LAMA5: variants seen among roughly 807,000 people sequenced by gnomAD.
The protein encoded by LAMA5 is laminin subunit alpha 5, also known as laminin subunit alpha-5.
LAMA5 carries 260 observed loss-of-function variants against 433.4 expected under a neutral mutation model. The ratio of observed to expected loss-of-function variants is 0.60; its 90% CI spans 0.54 to 0.66. LAMA5 has a LOEUF of 0.66. LAMA5 is among the 30% of genes least tolerant of loss of function. The pLI is 0.00. For synonymous variants in LAMA5, 2,620 were observed against 2,226.6 expected (o/e 1.18, Z -4.97); for missense variants, 5,378 against 5,258.5 (o/e 1.02, Z -0.70).
At position 62,316,761 on chromosome 20, in the gene LAMA5, G is replaced by A. The variant is rs1986975895; in HGVS notation, c.7666C>T (p.Gln2556Ter). Reference protein sequence around the residue: ...ADHTWATVVRQGLVDRAQQLL... With the variant: ...ADHTWATVVR ...TGCTGGGCTCGGTCCACCAGGCCCT[G>A]CCGCACCACCGTCTGTGGATGCCAG... Residue 2556 changes from glutamine (Q) to a stop codon, truncating the protein, a stop_gained, in exon 57 of 80, where the codon CAG becomes TAG. Transcript: ENST00000252999. LOFTEE classifies it high-confidence loss of function. 5 of 1,606,150 alleles carry A rather than the reference G, an allele frequency of 3.1e-6. No homozygotes were observed. Among genetic ancestry groups the A allele is most frequent in the Non-Finnish European group, 3.4e-6 (4 of 1,176,328 alleles).
At position 62,333,718 on chromosome 20, in the gene LAMA5, C is replaced by A. The variant is rs189582594; in HGVS notation, c.2879-12G>T. ...ACTCTGTGCTGTGCCTGGGCGGGGG[C>A]AGGGGTGAGACTCCTGAGCCCAGCC... On this transcript the variant is annotated splice_polypyrimidine_tract_variant and intron_variant, in intron 23 of 79. Coordinates refer to ENST00000252999, the MANE Select transcript of LAMA5 (RefSeq NM_005560.6). 4.4e-6 allele frequency: 7 copies of A among 1,573,212 alleles called. No individual in the cohort carries two copies. Among genetic ancestry groups the A allele is most frequent in the Non-Finnish European group, 5.2e-6 (6 of 1,160,362 alleles).
chr20:62,330,597 G>A lies in LAMA5; in HGVS notation c.3870C>T (p.Thr1290=). The change falls in exon 31 of 80, where the codon ACC becomes ACT. Residue 1290 remains threonine (T), a synonymous_variant. Transcript: ENST00000252999. ...LREPQATVVF[T]THVPTLGRYA... is the part of the protein sequence containing the mutation. Reference sequence around the variant, plus strand: ...AGCGGCCCAGCGTGGGCACATGGGTGGTGAAGACCACGGTGGCCTGCAGGG... The same window carrying A: ...AGCGGCCCAGCGTGGGCACATGGGTAGTGAAGACCACGGTGGCCTGCAGGG... The A allele has an allele frequency of 6.3e-7, 1 of 1,593,162 alleles. No homozygotes were observed.
intron 11 of LAMA5, among the ~76,000 whole-genome samples, chr20:62,343,774 C>CAAAAAAAAAAAAAAAAAAAAAAAAAA (rs11474754): frequency 1.6e-5 from 1 of 61,368 alleles, no homozygotes; most frequent in Non-Finnish European, 3.3e-5. Context: ...GAAACTCCAT[C>CAAAAAAAAAAAAAAAAAAAAAAAAAA]AAAAAAAAAA....
In LAMA5 at chr20:62,323,514, G is replaced by A. The variant is rs754415447; in HGVS notation, c.6006C>T (p.Arg2002=). 6.4e-7 allele frequency: 1 copy of A among 1,569,488 alleles called. No homozygotes were observed. The highest frequency in any genetic ancestry group is 8.6e-7 in the Non-Finnish European group (1 of 1,160,108). Residue 2002 remains arginine (R), a synonymous_variant, in exon 45 of 80, where the codon CGC becomes CGT. Transcript: ENST00000252999. ...RGCLRHTTGP[R]CEICAPGFYG... ...AGAAGCCGGGGGCACAGATCTCGCA[G>A]CGGGGCCCAGTGGTGTGGCGCAGGC...
In LAMA5 at chr20:62,351,760, A is replaced by G. The variant is rs145845032; in HGVS notation, c.900T>C (p.Cys300=). The G allele has an allele frequency of 1.2e-5, 19 of 1,611,570 alleles. No individual in the cohort carries two copies. Among genetic ancestry groups the G allele is most frequent in the East Asian group, 2.2e-5 (1 of 44,856 alleles). Residue 300 remains cysteine, a synonymous_variant, in exon 6 of 80, where the codon TGT becomes TGC. Transcript: ENST00000252999. The part of the protein sequence containing the change: ...SIKDISIGGR[C]VCHGHADACD... The stretch of plus-strand genomic sequence containing the variant: ...AGGCATCCGCGTGGCCGTGGCAGAC[A>G]CAGCGGCCTCCGATGCTGATATCCT...
At chr20:62,327,150 C>T in intron 38 of LAMA5, 83 bp downstream of exon 38, 1 of 1,352,812 alleles carries the variant, frequency 7.4e-7, no homozygotes, top group South Asian at 1.5e-5. Context: ...CCTCCCTGGA[C>T]AGACCCCGCT....
intron 3 of LAMA5, among the ~76,000 whole-genome samples, 200 bp from the exon 4 acceptor site, chr20:62,352,560 C>G (rs1034557333): frequency 6.6e-6 from 1 of 152,142 alleles, no homozygotes; most frequent in East Asian, 1.9e-4. Context: ...CTCCCTTGCA[C>G]GCTTTGAGTG....
At chr20:62,363,521 G>T (rs1986388574) in intron 1 of LAMA5, among the ~76,000 whole-genome samples, 1 of 152,148 alleles carries the variant, frequency 6.6e-6, no homozygotes, top group African/African-American at 2.4e-5. Flanking sequence ...CCTGGCAGGG[G>T]AGGGGTAGTG....
At chr20:62,351,874 GT>G (rs1263683602) in intron 5 of LAMA5, 34 bp downstream of exon 5, 12 of 1,577,764 alleles carry the variant, frequency 7.6e-6, no homozygotes, top group Non-Finnish European at 1.0e-5. Flanking sequence ...CACCCGGCCA[GT>G]CCCCCTCCCC....
At chr20:62,362,597 C>A (rs1212594799) in intron 1 of LAMA5, 45 bp from the exon 2 acceptor site, 1 of 1,420,930 alleles carries the variant, frequency 7.0e-7, no homozygotes, top group Admixed American at 2.5e-5. Context: ...AGGGCCGGGG[C>A]CCCCTTCCTC....
At chr20:62,361,575 A>G (rs1228566322) in intron 2 of LAMA5, among the ~76,000 whole-genome samples, 2 of 152,308 alleles carry the variant, frequency 1.3e-5, no homozygotes, top group East Asian at 3.9e-4. Flanking sequence ...TGTGTCACAC[A>G]CTGGGACTGG....
At position 62,329,013 on chromosome 20, in the gene LAMA5, G is replaced by A. The variant is rs765780164; in HGVS notation, c.4278C>T (p.Ser1426=). 1.2e-6 allele frequency: 2 copies of A among 1,612,628 alleles called. No homozygotes were observed. The highest frequency in any genetic ancestry group is 8.5e-7 in the Non-Finnish European group (1 of 1,179,898). Residue 1426 remains serine (S), a synonymous_variant, in exon 34 of 80, where the codon TCC becomes TCT. Transcript: ENST00000252999. ...SSLFCRNAAA[S]LSLFYNNGAR... is the part of the protein sequence containing the mutation. ...CTCCGTTGTTATAGAAGAGGGAGAGGGAAGCAGCAGCGTTTCGGCAGAACA... is the reference window on the plus strand; with the variant it reads ...CTCCGTTGTTATAGAAGAGGGAGAGAGAAGCAGCAGCGTTTCGGCAGAACA...
Position 62,324,560 on chromosome 20 carries a change from G to A in LAMA5, c.5530-6C>T, listed in dbSNP as rs1196058877. On this transcript the variant is annotated splice_polypyrimidine_tract_variant and splice_region_variant and intron_variant, in intron 41 of 79. Transcript: ENST00000252999. This position sits in a 1 kb window ranked among gnomAD's most constrained non-coding sequence, Gnocchi z 4.4. Reference sequence around the variant, plus strand: ...TAGAAGCCGGGGGCACATTCCTGAGGGTGTACGGGGGCAGGTGGCATCAGC... The same window carrying A: ...TAGAAGCCGGGGGCACATTCCTGAGAGTGTACGGGGGCAGGTGGCATCAGC... 3.1e-6 allele frequency: 5 copies of A among 1,597,372 alleles called. No individual in the cohort carries two copies. Among genetic ancestry groups the A allele is most frequent in the Middle Eastern group, 1.7e-4 (1 of 6,042 alleles).
rs138625956 is a variant in LAMA5, at chr20:62,334,242, G to A, written c.2683C>T (p.Pro895Ser). ...EGHAVRFGFN[P>S]LEFENFSWRG... ...CAGCTGAAGTTCTCGAACTCGAGGG[G>A]GTTGAAGCCAAAGCGCACGGCGTGA... is the stretch of plus-strand genomic sequence containing the variant. Residue 895 changes from proline (P) to serine (S), a missense_variant, in exon 22 of 80, where the codon CCC becomes TCC. Pro to Ser is a moderately conservative substitution (Grantham distance 74). Coordinates refer to ENST00000252999, the MANE Select transcript of LAMA5 (RefSeq NM_005560.6). 2 of 1,612,940 alleles carry A rather than the reference G, an allele frequency of 1.2e-6. No homozygotes were observed. The highest frequency in any genetic ancestry group is 1.1e-5 in the South Asian group (1 of 91,058).
chr20:62,367,167 G>C lies in LAMA5; in HGVS notation c.79C>G (p.Leu27Val). The change falls in exon 1 of 80, where the codon CTG (leucine) becomes GTG (valine). Residue 27 changes from leucine (L) to valine (V), a missense_variant. Transcript: ENST00000252999. ...RGPAPLLLVG[L>V]ALLGAARARE... Reference sequence around the variant, plus strand: ...GCCCGCGCCGCGCCCAGCAGCGCCAGCCCGACCAGCAGCAGCGGCGCGGGG... The same window carrying C: ...GCCCGCGCCGCGCCCAGCAGCGCCACCCCGACCAGCAGCAGCGGCGCGGGG... 1.6e-6 allele frequency: 2 copies of C among 1,250,012 alleles called. No individual in the cohort carries two copies. Among genetic ancestry groups the C allele is most frequent in the Non-Finnish European group, 1.0e-6 (1 of 1,000,848 alleles). The allele number at this position is 1,250,012 out of a possible 1,614,324, so 77.4% of individuals were successfully genotyped here.
intron 18 of LAMA5, 70 bp downstream of exon 18, chr20:62,336,270 C>T: frequency 8.5e-7 from 1 of 1,178,902 alleles, no homozygotes; most frequent in South Asian, 1.4e-5. Flanking sequence ...CCAACACTCC[C>T]TCCAGGATAT....
chr20:62,329,802 A>G lies in LAMA5; in HGVS notation c.4094T>C (p.Val1365Ala). ...THSELTVTVRVPKGRWLWLDY... is the reference protein window; with the variant it reads ...THSELTVTVRAPKGRWLWLDY... ...CAGCCAGAGCCACCGGCCCTTGGGC[A>G]CACGCACGGTCACAGTGAGCTCGCT... Residue 1365 changes from valine to alanine, a missense_variant, in exon 32 of 80, where the codon GTG (valine) becomes GCG (alanine). By Grantham distance (64) the Val-to-Ala change is moderately conservative. Transcript: ENST00000252999. The G allele has an allele frequency of 1.9e-6, 3 of 1,612,480 alleles. No individual in the cohort carries two copies. The highest frequency in any genetic ancestry group is 2.5e-6 in the Non-Finnish European group (3 of 1,179,782).
chr20:62,325,614 A>C, intron 40 of LAMA5, 68 bp from the exon 41 acceptor site: 1 of 1,043,558 alleles, frequency 9.6e-7, no homozygotes, highest in Non-Finnish European at 1.4e-6. Flanking sequence ...CCTAGAACAG[A>C]CCCCCCAACC....
At chr20:62,322,826 C>T (rs1265631151) in intron 45 of LAMA5, 68 bp from the exon 46 acceptor site, 2 of 1,030,364 alleles carry the variant, frequency 1.9e-6, no homozygotes, top group Non-Finnish European at 2.7e-6. Flanking sequence ...TAGGCACCCT[C>T]CTAAGCCCTC....
Sources: allele counts gnomAD v4.1 joint callset (sites outside exome capture counted in the v4.1 genomes callset), GRCh38; gene constraint gnomAD v4.1.1; non-coding constraint Gnocchi (gnomAD v3.1); transcripts MANE v1.5; gene names NCBI Gene and HGNC (gene_info 2026-07-23, HGNC 2026-07-21).